The following NASP variants were observed in gnomAD, a reference collection of about 807,000 sequenced individuals.
The protein encoded by NASP is NASP histone chaperone.
A neutral mutation model predicts 89.5 loss-of-function variants in NASP; 24 were observed. That is an observed-to-expected ratio of 0.27 (90% CI 0.19 to 0.38). The LOEUF (loss-of-function observed/expected upper bound fraction) is 0.38, where lower values mean the gene tolerates loss of function less well. Ranked by LOEUF, NASP falls within the 10% of genes least tolerant of loss-of-function variation. NASP has a pLI of 1.00. For missense variants in NASP, 848 were observed against 921.4 expected (o/e 0.92, Z 1.03); for synonymous variants, 306 against 324.7 (o/e 0.94, Z 0.62).
Position 45,591,052 on chromosome 1 carries a change from G to C in NASP, c.60-171G>C, listed in dbSNP as rs1643535887. Among the ~76,000 whole-genome samples the C allele has an allele frequency of 1.3e-5, 2 of 152,168 alleles. 1 individual carries two copies. Among genetic ancestry groups the C allele is most frequent in the South Asian group, 4.1e-4 (2 of 4,830 alleles). On this transcript the variant is annotated intron_variant, in intron 1 of 14. Transcript: ENST00000350030. ...TATTTTCAGCCCTGGATATTTGAGT[G>C]AGTAAGAATTAAATGAATTAAATTT...
rs769848175 is a variant in NASP at position 45,617,539 on chromosome 1, G to GT, written c.2235dup (p.Gly746TrpfsTer9). ...CAAGAGCCGGAGGTGAACGGAGGCA[G>GT]TGGGGATGCTGTCCCCAGTGGAAAT... On this transcript the variant is annotated frameshift_variant, in exon 14 of 15. Transcript: ENST00000350030. LOFTEE classifies it high-confidence loss of function. The GT allele has an allele frequency of 6.2e-7, 1 of 1,608,510 alleles. No homozygotes were observed.
At chr1:45,616,109 G>T (rs564502370) in intron 11 of NASP, among the ~76,000 whole-genome samples, 1 of 152,298 alleles carries the variant, frequency 6.6e-6, no homozygotes, top group East Asian at 1.9e-4. Context: ...TACCCTGCAG[G>T]TAGGATATAG....
intron 9 of NASP, 33 bp downstream of exon 9, chr1:45,614,399 C>G (rs1440432039): frequency 6.7e-7 from 1 of 1,492,048 alleles, no homozygotes; most frequent in Admixed American, 1.7e-5. Context: ...CTCTCCTACT[C>G]TCTTCAGCTC....
intron 9 of NASP, 155 bp from the exon 10 acceptor site, chr1:45,614,858 T>G: frequency 2.8e-6 from 2 of 711,166 alleles, no homozygotes; most frequent in South Asian, 2.0e-5. Context: ...TTAAAAGTCA[T>G]TTTGACTTTC....
At chr1:45,600,265 C>G (rs1643807653) in intron 2 of NASP, 2 of 474,092 alleles carry the variant, frequency 4.2e-6, no homozygotes, top group African/African-American at 2.1e-5. Flanking sequence ...TTTAAAGTAA[C>G]AATTATGAGT....
intron 2 of NASP, among the ~76,000 whole-genome samples, chr1:45,599,649 G>A (rs1459225445): frequency 1.3e-5 from 2 of 150,766 alleles, no homozygotes; most frequent in Non-Finnish European, 3.0e-5. Flanking sequence ...GGCTGGTTTC[G>A]AACTCCTGAC....
rs60189617 is a variant in NASP at position 45,614,068 on chromosome 1, A to G, written c.1507-28A>G. ...AGATTTGTATTTGAAAAAGATGCCTATCTTTTTATTATTTGGTTATACTTT... is the reference window on the plus strand; with the variant it reads ...AGATTTGTATTTGAAAAAGATGCCTGTCTTTTTATTATTTGGTTATACTTT... On this transcript the variant is annotated intron_variant, in intron 7 of 14. Coordinates refer to ENST00000350030, the MANE Select transcript of NASP (RefSeq NM_002482.4). 2.0e-3 allele frequency: 2,970 copies of G among 1,478,880 alleles called. 66 individuals carry two copies. In the African/African-American group the frequency reaches 0.038, roughly 19 times the overall value. The allele number at this position is 1,478,880 out of a possible 1,614,324, so 91.6% of individuals were successfully genotyped here.
At chr1:45,591,111 T>G (rs1643537224) in intron 1 of NASP, 112 bp from the exon 2 acceptor site, 1 of 609,464 alleles carries the variant, frequency 1.6e-6, no homozygotes, top group Admixed American at 3.2e-5. Flanking sequence ...ACTTGAGTAT[T>G]TAATAAATGA....
At chr1:45,586,236 TGCC>T (rs199713803) in intron 1 of NASP, among the ~76,000 whole-genome samples, 1 of 112,838 alleles carries the variant, frequency 8.9e-6, no homozygotes, top group Non-Finnish European at 1.8e-5. Flanking sequence ...GCCCCTACCG[TGCC>T]GTGTGTGTGT....
intron 2 of NASP, among the ~76,000 whole-genome samples, chr1:45,600,036 C>T (rs1033185970): frequency 3.2e-5 from 4 of 126,190 alleles, no homozygotes; most frequent in Non-Finnish European, 6.3e-5. Flanking sequence ...TTAGCTCATT[C>T]TTGTTATAAT....
intron 6 of NASP, chr1:45,610,305 TCTG>T (rs1258199286): frequency 2.0e-5 from 3 of 152,224 alleles, no homozygotes; most frequent in African/African-American, 7.2e-5. Flanking sequence ...CAGATACTGT[TCTG>T]CTTGTAAAGA....
intron 2 of NASP, among the ~76,000 whole-genome samples, chr1:45,594,127 A>G (rs1044356727): frequency 2.0e-5 from 3 of 151,604 alleles, no homozygotes; most frequent in African/African-American, 7.3e-5. Context: ...GGAGTTCAAG[A>G]TCAGCCTGGC....
chr1:45,589,425 T>G (rs971635669), intron 1 of NASP, among the ~76,000 whole-genome samples: 1 of 152,130 alleles, frequency 6.6e-6, no homozygotes, highest in Non-Finnish European at 1.5e-5. Context: ...GCACCCAGTC[T>G]GGTTTCTGGG....
At chr1:45,592,082 G>A (rs764472591) in intron 2 of NASP, among the ~76,000 whole-genome samples, 18 of 152,134 alleles carry the variant, frequency 1.2e-4, no homozygotes, top group Admixed American at 7.2e-4. Flanking sequence ...CTGCCTCCTG[G>A]GTTCAAGCAA....
chr1:45,587,565 TGAA>T (rs1162156205), intron 1 of NASP, among the ~76,000 whole-genome samples: 1 of 150,156 alleles, frequency 6.7e-6, no homozygotes, highest in African/African-American at 2.4e-5. Context: ...TTTATGGTAG[TGAA>T]GAAGACTAGT....
At chr1:45,607,042 G>A (rs1305328013) in intron 5 of NASP, among the ~76,000 whole-genome samples, 1 of 152,142 alleles carries the variant, frequency 6.6e-6, no homozygotes, top group Non-Finnish European at 1.5e-5. Context: ...TCAGATGGGG[G>A]AGAATGAAAA....
chr1:45,601,582 C>T (rs913360539), intron 2 of NASP, among the ~76,000 whole-genome samples: 6 of 151,864 alleles, frequency 4.0e-5, no homozygotes, highest in Admixed American at 1.3e-4. Flanking sequence ...TGCCTCTTGC[C>T]CTGTTTACCT....
chr1:45,608,229 G>T lies in NASP; in HGVS notation c.1318G>T (p.Asp440Tyr), dbSNP rs917138465. 6.2e-7 allele frequency: 1 copy of T among 1,614,070 alleles called. No homozygotes were observed. The highest frequency in any genetic ancestry group is 1.3e-5 in the African/African-American group (1 of 74,926). Reference protein sequence around the residue: ...EESEAAGDGVDTKVAQGATEK... With the variant: ...EESEAAGDGVYTKVAQGATEK... ...GTCTGAGGCAGCTGGAGATGGGGTT[G>T]ATACCAAGGTAGCCCAGGGAGCTAC... Residue 440 changes from aspartate (D) to tyrosine (Y), a missense_variant, in exon 6 of 15, where the codon GAT becomes TAT. Transcript: ENST00000350030.
At chr1:45,604,017 T>C (rs1440696110) in intron 3 of NASP, among the ~76,000 whole-genome samples, 1 of 152,318 alleles carries the variant, frequency 6.6e-6, no homozygotes. Context: ...TTTCCCAGAT[T>C]ACTGGAGAGG....
Sources: allele counts gnomAD v4.1 joint callset (sites outside exome capture counted in the v4.1 genomes callset), GRCh38; gene constraint gnomAD v4.1.1; transcripts MANE v1.5; gene names NCBI Gene and HGNC (gene_info 2026-07-23, HGNC 2026-07-21).